GALNTL6: variants seen among roughly 807,000 people sequenced by gnomAD.
The protein encoded by GALNTL6 is polypeptide N-acetylgalactosaminyltransferase like 6.
GALNTL6 carries 46 observed loss-of-function variants against 73.7 expected under a neutral mutation model. The observed-to-expected ratio is 0.62, with a 90% CI of 0.49 to 0.80. GALNTL6 has a LOEUF of 0.80. GALNTL6 is among the 30% of genes least tolerant of loss of function. The pLI is 0.00. For synonymous variants in GALNTL6, 259 were observed against 263.7 expected (o/e 0.98, Z 0.17); for missense variants, 604 against 755.0 (o/e 0.80, Z 2.34).
At chr4:171,840,395 C>T (rs751038073) in intron 2 of GALNTL6, among the ~76,000 whole-genome samples, 6 of 83,868 alleles carry the variant, frequency 7.2e-5, no homozygotes, top group Non-Finnish European at 1.3e-4. Flanking sequence ...ATTAAAGAAA[C>T]CGTGGGCACT....
chr4:172,375,963 C>G (rs565080833), intron 5 of GALNTL6, among the ~76,000 whole-genome samples: 1 of 152,166 alleles, frequency 6.6e-6, no homozygotes, highest in Non-Finnish European at 1.5e-5. Flanking sequence ...AAGAGTGATG[C>G]CCTTTGTCCT....
intron 5 of GALNTL6, among the ~76,000 whole-genome samples, chr4:172,807,365 G>A (rs756293430): frequency 6.6e-6 from 1 of 152,214 alleles, no homozygotes; most frequent in Non-Finnish European, 1.5e-5. Context: ...CCAGGCAAAA[G>A]AAAATTCTAA....
intron 2 of GALNTL6, among the ~76,000 whole-genome samples, chr4:171,852,696 G>A (rs1735553225): frequency 6.6e-6 from 1 of 152,096 alleles, no homozygotes; most frequent in Admixed American, 6.5e-5. Context: ...CCACCTGTCA[G>A]TGATATGTTA....
intron 7 of GALNTL6, among the ~76,000 whole-genome samples, chr4:172,857,901 C>A (rs1462792070): frequency 2.6e-5 from 4 of 152,130 alleles, no homozygotes; most frequent in Non-Finnish European, 5.9e-5. Flanking sequence ...TAACTGGAGA[C>A]TAATCCATGG....
chr4:172,678,423 G>T (rs549447996), intron 5 of GALNTL6, among the ~76,000 whole-genome samples: 1 of 150,324 alleles, frequency 6.7e-6, no homozygotes, highest in Non-Finnish European at 1.5e-5. Context: ...TCGGCTCACC[G>T]CAACCTCTGC....
intron 2 of GALNTL6, among the ~76,000 whole-genome samples, chr4:172,213,432 G>T (rs74496540): frequency 0.051 from 7,687 of 152,144 alleles, 237 homozygotes; most frequent in South Asian, 0.092. Flanking sequence ...AATTGGTATT[G>T]TCAATTTTGG....
At chr4:171,938,742 C>T (rs1035858061) in intron 2 of GALNTL6, among the ~76,000 whole-genome samples, 2 of 151,920 alleles carry the variant, frequency 1.3e-5, no homozygotes, top group Non-Finnish European at 2.9e-5. Flanking sequence ...CTCCAATCAC[C>T]GTGAAAGAAG....
chr4:172,608,316 AG>A (rs1399937209), intron 5 of GALNTL6, among the ~76,000 whole-genome samples: 3 of 152,140 alleles, frequency 2.0e-5, no homozygotes, highest in African/African-American at 7.2e-5. Flanking sequence ...ATATGGTAAA[AG>A]AAAAGGGTCA....
intron 11 of GALNTL6, among the ~76,000 whole-genome samples, chr4:173,016,690 C>T (rs542112809): frequency 2.6e-5 from 4 of 152,294 alleles, no homozygotes; most frequent in Admixed American, 2.0e-4. Context: ...GCGGAGGGTA[C>T]TTGCCTTGTC....
intron 5 of GALNTL6, among the ~76,000 whole-genome samples, chr4:172,376,964 GT>G (rs1743055125): frequency 6.6e-6 from 1 of 152,130 alleles, no homozygotes; most frequent in African/African-American, 2.4e-5. Flanking sequence ...TTCGTGGTGA[GT>G]GTTACAGCTC....
chr4:171,832,960 TTGTGAACAATTTTTCCATTTTTAA>T lies in GALNTL6; in HGVS notation c.138+18243_138+18266del, dbSNP rs1334367069. 3.3e-5 allele frequency among the ~76,000 whole-genome samples: 5 copies of T among 151,900 alleles called. No homozygotes were observed. The East Asian group carries it at 9.7e-4, about 29-fold the overall frequency. On this transcript the variant is annotated intron_variant, in intron 2 of 12. Transcript: ENST00000506823. ...ATTATACATCCTGGAAGTCAGAGATTTGTGAACAATTTTTCCATTTTTAAGCAGCCTTAAATGCTAATTTTAATC... is the reference window on the plus strand; with the variant it reads ...ATTATACATCCTGGAAGTCAGAGATTGCAGCCTTAAATGCTAATTTTAATC...
intron 5 of GALNTL6, among the ~76,000 whole-genome samples, chr4:172,498,027 T>A (rs994469092): frequency 7.1e-6 from 1 of 140,114 alleles, no homozygotes; most frequent in African/African-American, 2.7e-5. Flanking sequence ...AGTCTTGCTC[T>A]GTCGCCAGGC....
intron 5 of GALNTL6, among the ~76,000 whole-genome samples, chr4:172,396,482 T>C (rs188590640): frequency 1.7e-4 from 26 of 152,216 alleles, no homozygotes; most frequent in African/African-American, 5.8e-4. Flanking sequence ...TAGCTTCCAA[T>C]AGTGTTTATG....
intron 2 of GALNTL6, among the ~76,000 whole-genome samples, chr4:171,941,952 A>G (rs770759898): frequency 2.0e-5 from 3 of 152,218 alleles, no homozygotes; most frequent in Non-Finnish European, 1.5e-5. Context: ...ATTATCCAGC[A>G]TATAACACCT....
At chr4:172,625,161 C>G (rs1249602559) in intron 5 of GALNTL6, among the ~76,000 whole-genome samples, 1 of 151,940 alleles carries the variant, frequency 6.6e-6, no homozygotes, top group African/African-American at 2.4e-5. Flanking sequence ...AACTTTCAAG[C>G]ACCCTCATCA....
chr4:172,306,214 C>A (rs965534441), intron 3 of GALNTL6, among the ~76,000 whole-genome samples: 2 of 152,040 alleles, frequency 1.3e-5, no homozygotes, highest in African/African-American at 2.4e-5. Flanking sequence ...CATGGTGAAA[C>A]CCTGTCTCTA....
At chr4:172,010,630 A>G (rs138135423) in intron 2 of GALNTL6, among the ~76,000 whole-genome samples, 2 of 152,098 alleles carry the variant, frequency 1.3e-5, no homozygotes, top group South Asian at 2.1e-4. Flanking sequence ...TCTTTCAAGT[A>G]AATCTCCCAA....
chr4:172,259,292 G>A (rs1023827953), intron 3 of GALNTL6, among the ~76,000 whole-genome samples: 3 of 150,844 alleles, frequency 2.0e-5, no homozygotes, highest in African/African-American at 7.3e-5. Flanking sequence ...TTTAAATTAT[G>A]GCCATTCTTG....
intron 5 of GALNTL6, among the ~76,000 whole-genome samples, chr4:172,800,847 T>C (rs1740602284): frequency 6.6e-6 from 1 of 152,030 alleles, no homozygotes; most frequent in African/African-American, 2.4e-5. Context: ...AAGATATAGA[T>C]AAAATAATTT....
Sources: allele counts gnomAD v4.1 joint callset (sites outside exome capture counted in the v4.1 genomes callset), GRCh38; gene constraint gnomAD v4.1.1; transcripts MANE v1.5; gene names NCBI Gene and HGNC (gene_info 2026-07-23, HGNC 2026-07-21).